The following UFL1 variants were observed in gnomAD, a reference collection of about 807,000 sequenced individuals.
UFL1 encodes the protein E3 UFM1-protein ligase 1.
Under a neutral mutation model 99.3 loss-of-function variants are expected in UFL1, and 78 were observed. The ratio of observed to expected loss-of-function variants is 0.79; its 90% CI spans 0.65 to 0.95. The LOEUF (loss-of-function observed/expected upper bound fraction) is 0.95, where lower values mean the gene tolerates loss of function less well. Ranked by LOEUF, UFL1 falls within the 40% of genes least tolerant of loss-of-function variation. The pLI, the probability that UFL1 is intolerant of heterozygous loss-of-function variation, is 0.00. For synonymous variants in UFL1, 335 were observed against 322.2 expected (o/e 1.04, Z -0.42); for missense variants, 936 against 937.0 (o/e 1.00, Z 0.01).
At chr6:96,552,003 G>T in intron 17 of UFL1, 80 bp downstream of exon 17, 2 of 971,286 alleles carry the variant, frequency 2.1e-6, no homozygotes, top group Admixed American at 2.0e-5. Context: ...TTGACTGCCC[G>T]GCTCTTACAC....
At chr6:96,552,430 G>T in intron 17 of UFL1, 52 bp from the exon 18 acceptor site, 1 of 1,483,288 alleles carries the variant, frequency 6.7e-7, no homozygotes, top group Non-Finnish European at 8.9e-7. Context: ...TGAAATTGGT[G>T]AGAACTTCTT....
chr6:96,552,908 C>T (rs1770102696), intron 18 of UFL1, among the ~76,000 whole-genome samples: 4 of 151,982 alleles, frequency 2.6e-5, no homozygotes, highest in Admixed American at 2.6e-4. Context: ...GTCAAATCTC[C>T]CATTTCAGCT....
chr6:96,551,839 G>A lies in UFL1; in HGVS notation c.1901G>A (p.Ser634Asn), dbSNP rs755151382. The A allele has an allele frequency of 6.3e-7, 1 of 1,597,750 alleles. No individual in the cohort carries two copies. The highest frequency in any genetic ancestry group is 8.5e-7 in the Non-Finnish European group (1 of 1,169,758). The change falls in exon 17 of 19, where the codon AGC (serine) becomes AAC (asparagine). Residue 634 changes from serine to asparagine, a missense_variant and splice_region_variant. By Grantham distance (46) the Ser-to-Asn change is conservative. Coordinates refer to ENST00000369278, the MANE Select transcript of UFL1 (RefSeq NM_015323.5). ...TTATGGTATTCAATGCCTTTTCAGA[G>A]CATAGAAGACTTTATTTCTTGTCTG... ...TKLHNSLNEK[S>N]IEDFISCLDS...
chr6:96,528,448 A>G (rs970315379), intron 5 of UFL1, 54 bp from the exon 6 acceptor site: 2 of 1,582,830 alleles, frequency 1.3e-6, no homozygotes. Context: ...ATGCAAATGC[A>G]TATGTGTAAT....
chr6:96,545,320 G>A (rs1382170592), intron 12 of UFL1, among the ~76,000 whole-genome samples: 1 of 150,514 alleles, frequency 6.6e-6, no homozygotes, highest in Non-Finnish European at 1.5e-5. Flanking sequence ...AGCTTTTTTT[G>A]TCTACAACCC....
Position 96,541,846 on chromosome 6 carries a change from T to A in UFL1, c.1280-1048T>A, listed in dbSNP as rs372040230. Among the ~76,000 whole-genome samples the A allele has an allele frequency of 4.0e-5, 6 of 151,306 alleles. No homozygotes were observed. In the South Asian group the frequency reaches 8.3e-4, roughly 21 times the overall value. On this transcript the variant is annotated intron_variant, in intron 11 of 18. Coordinates refer to ENST00000369278, the MANE Select transcript of UFL1 (RefSeq NM_015323.5). ...TGTGGAATCATGTCAATCATGAATG[T>A]TCCCCCCCATAGGAAACTTATTGTC...
intron 1 of UFL1, 89 bp from the exon 2 acceptor site, chr6:96,523,057 T>TAAA (rs1769642789): frequency 7.4e-7 from 1 of 1,346,156 alleles, no homozygotes; most frequent in African/African-American, 1.5e-5. Flanking sequence ...ACAAACTTTT[T>TAAA]AAAAGCCTGT....
intron 11 of UFL1, among the ~76,000 whole-genome samples, chr6:96,540,860 T>C (rs186166841): frequency 2.0e-4 from 31 of 151,640 alleles, no homozygotes; most frequent in Admixed American, 4.6e-4. Context: ...CTGTTTTCTT[T>C]TGTGAAAACT....
At chr6:96,534,778 A>G (rs1769831165) in intron 7 of UFL1, among the ~76,000 whole-genome samples, 2 of 151,918 alleles carry the variant, frequency 1.3e-5, no homozygotes, top group South Asian at 4.1e-4. Context: ...ATCTTTGTTC[A>G]TTATGTTGTT....
chr6:96,531,818 A>G lies in UFL1; in HGVS notation c.597-2445A>G, dbSNP rs564505216. ...ATTCATAGTAGTCCTGAGTTTCGCT[A>G]TATGGAGGTACCATCAAATAATGAG... On this transcript the variant is annotated intron_variant, in intron 6 of 18. Coordinates refer to ENST00000369278, the MANE Select transcript of UFL1 (RefSeq NM_015323.5). 2.6e-5 allele frequency among the ~76,000 whole-genome samples: 4 copies of G among 152,302 alleles called. No homozygotes were observed. In the South Asian group the frequency reaches 8.3e-4, roughly 32 times the overall value.
intron 17 of UFL1, 34 bp from the exon 18 acceptor site, chr6:96,552,445 TATG>T (rs756664924): frequency 6.6e-7 from 1 of 1,512,194 alleles, no homozygotes; most frequent in Non-Finnish European, 8.8e-7. Flanking sequence ...CTTCTTAAAT[TATG>T]ATAATGAATT....
In UFL1 at chr6:96,533,300, A is replaced by G. The variant is rs143375868; in HGVS notation, c.597-963A>G. On this transcript the variant is annotated intron_variant, in intron 6 of 18. Transcript: ENST00000369278. ...CATTCATCGATACAAAGTCAAAAAC[A>G]TAAATGTTCATAGGAGCATTATCCA... Among the ~76,000 whole-genome samples the G allele has an allele frequency of 2.3e-3, 349 of 152,254 alleles. 1 individual carries two copies. Among genetic ancestry groups the G allele is most frequent in the African/African-American group, 7.3e-3 (305 of 41,582 alleles).
intron 16 of UFL1, 96 bp from the exon 17 acceptor site, chr6:96,551,742 A>G (rs1234700464): frequency 2.1e-5 from 18 of 877,802 alleles, no homozygotes; most frequent in Middle Eastern, 3.4e-4. Flanking sequence ...TAAAAATTGT[A>G]TTTGGGATGT....
intron 15 of UFL1, among the ~76,000 whole-genome samples, 196 bp from the exon 16 acceptor site, chr6:96,551,237 G>T (rs1770075266): frequency 6.6e-6 from 1 of 151,936 alleles, no homozygotes; most frequent in Non-Finnish European, 1.5e-5. Context: ...CAGGTGGGAG[G>T]AGCAGGGCTG....
At position 96,537,552 on chromosome 6, in the gene UFL1, A is replaced by G. The variant is rs779816917; in HGVS notation, c.978+3A>G. The stretch of plus-strand genomic sequence containing the variant: ...CTGGAACATGGGTTGATATTGCAGT[A>G]TGTTTTATCTTTTCCTCACTTTTCT... On this transcript the variant is annotated splice_donor_region_variant and intron_variant, in intron 9 of 18. Transcript: ENST00000369278. 2 of 1,571,798 alleles carry G rather than the reference A, an allele frequency of 1.3e-6. No individual in the cohort carries two copies. Among genetic ancestry groups the G allele is most frequent in the Non-Finnish European group, 1.7e-6 (2 of 1,165,390 alleles).
intron 12 of UFL1, among the ~76,000 whole-genome samples, chr6:96,547,475 C>T (rs557571288): frequency 4.9e-4 from 74 of 151,524 alleles, no homozygotes; most frequent in Non-Finnish European, 8.6e-4. Flanking sequence ...TGGGTTTCTA[C>T]CCAAAGGAAA....
intron 1 of UFL1, among the ~76,000 whole-genome samples, chr6:96,522,537 T>A (rs1769632568): frequency 6.6e-6 from 1 of 152,168 alleles, no homozygotes; most frequent in Non-Finnish European, 1.5e-5. Context: ...AAAATAACGC[T>A]AATAGAAGCC....
chr6:96,523,727 G>A (rs1769660008), intron 2 of UFL1, among the ~76,000 whole-genome samples: 1 of 152,116 alleles, frequency 6.6e-6, no homozygotes, highest in Non-Finnish European at 1.5e-5. Context: ...TCAATCCAGT[G>A]TGGTGCTACA....
intron 11 of UFL1, 143 bp from the exon 12 acceptor site, chr6:96,542,751 C>G: frequency 1.3e-6 from 1 of 741,030 alleles, no homozygotes. Context: ...ATAGGGAACT[C>G]CAAATTTAAA....
Sources: allele counts gnomAD v4.1 joint callset (sites outside exome capture counted in the v4.1 genomes callset), GRCh38; gene constraint gnomAD v4.1.1; transcripts MANE v1.5; gene names NCBI Gene and HGNC (gene_info 2026-07-23, HGNC 2026-07-21).